Variants in SASH3 observed in about 807,000 individuals in gnomAD.
SASH3 encodes the protein SAM and SH3 domain-containing protein 3.
SASH3 carries 7 observed loss-of-function variants against 26.1 expected under a neutral mutation model. The ratio of observed to expected loss-of-function variants is 0.27; its 90% CI spans 0.15 to 0.50. The LOEUF (loss-of-function observed/expected upper bound fraction) is 0.50, where lower values mean the gene tolerates loss of function less well. Ranked by LOEUF, SASH3 falls within the 20% of genes least tolerant of loss-of-function variation. The pLI is 0.98. For missense variants in SASH3, 231 were observed against 318.3 expected (o/e 0.73, Z 2.09); for synonymous variants, 138 against 136.8 (o/e 1.01, Z -0.06).
chrX:129,793,668 G>T lies in SASH3; in HGVS notation c.979G>T (p.Ala327Ser). 8.3e-7 allele frequency: 1 copy of T among 1,211,639 alleles called. No individual in the cohort carries two copies. Among genetic ancestry groups the T allele is most frequent in the African/African-American group, 1.7e-5 (1 of 57,973 alleles). Reference protein sequence around the residue: ...DTGSEEAEEGAESSQEPVAHT... With the variant: ...DTGSEEAEEGSESSQEPVAHT... ...TGGCAGTGAGGAGGCTGAAGAGGGC[G>T]CCGAGAGCAGCCAGGAGCCAGTGGC... Residue 327 changes from alanine to serine, a missense_variant, in exon 8 of 8, where the codon GCC becomes TCC. Ala to Ser is a moderately conservative substitution (Grantham distance 99). Coordinates refer to ENST00000356892, the MANE Select transcript of SASH3 (RefSeq NM_018990.4).
chrX:129,789,561 C>T (rs914292997), intron 3 of SASH3, among the ~76,000 whole-genome samples: 3 of 110,858 alleles, frequency 2.7e-5, no homozygotes, highest in East Asian at 2.8e-4. Flanking sequence ...TGCTTGAACC[C>T]GGGAGGTGGA....
intron 1 of SASH3, among the ~76,000 whole-genome samples, chrX:129,781,756 C>A (rs1837123383): frequency 8.9e-6 from 1 of 112,431 alleles, no homozygotes; most frequent in African/African-American, 3.2e-5. Flanking sequence ...TTCCCCAGGT[C>A]TCTCCCAGGA....
In SASH3 at chrX:129,793,103, C is replaced by T. The variant is rs1818108495; in HGVS notation, c.916C>T (p.Leu306=). The change falls in exon 7 of 8, where the codon CTG becomes TTG. Residue 306 remains leucine, a synonymous_variant. Transcript: ENST00000356892. ...NIMDPQHRAK[L]LTAAELLLDY... is the part of the protein sequence containing the mutation. ...CATGGATCCACAGCACCGGGCCAAG[C>T]TGCTCACGGCCGCCGAGCTGCTGCT... 1 of 1,209,826 alleles carries T rather than the reference C, an allele frequency of 8.3e-7. No homozygotes were observed.
At position 129,792,202 on chromosome X, in the gene SASH3, G is replaced by A. The variant is rs1203740218; in HGVS notation, c.443-126G>A. ...CTTCTGCAGTGTAAAGCTTGCCAGA[G>A]CCCAGCTGCCTTCCCGGTGTATACC... On this transcript the variant is annotated intron_variant, in intron 4 of 7. Transcript: ENST00000356892. The A allele has an allele frequency of 1.5e-5, 12 of 785,795 alleles. No homozygotes were observed. In the East Asian group the frequency reaches 3.6e-4, roughly 23 times the overall value. The allele number at this position is 785,795 out of a possible 1,213,427, so 64.8% of individuals were successfully genotyped here. A position where few individuals can be genotyped will look rare whatever the true frequency, so the allele number is the denominator to read the frequency against.
At chrX:129,791,785 C>A (rs1927236523) in intron 4 of SASH3, among the ~76,000 whole-genome samples, 1 of 112,389 alleles carries the variant, frequency 8.9e-6, no homozygotes, top group Admixed American at 9.4e-5. Flanking sequence ...CTCTGTACTT[C>A]CCAGGGAGAA....
intron 2 of SASH3, 76 bp from the exon 3 acceptor site, chrX:129,788,355 A>G: frequency 9.0e-7 from 1 of 1,105,885 alleles, no homozygotes; most frequent in Non-Finnish European, 1.2e-6. Context: ...CTGTGACCCC[A>G]AGGCCTCTTT....
Position 129,793,793 on chromosome X carries a change from G to A in SASH3, c.1104G>A (p.Glu368=), listed in dbSNP as rs943989849. The A allele has an allele frequency of 8.3e-7, 1 of 1,201,395 alleles. No individual in the cohort carries two copies. ...ATGACGCAGAGCTGGCAGGCACTGA[G>A]GAGCAGCTGCAAGGCCTCTCCCTGG... ...GRDDAELAGT[E]EQLQGLSLAG... The change falls in exon 8 of 8, where the codon GAG becomes GAA. Residue 368 remains glutamate (E), a synonymous_variant. Transcript: ENST00000356892.
rs1927277152 is a variant in SASH3 at position 129,793,764 on chromosome X, C to T, written c.1075C>T (p.Arg359Cys). Residue 359 changes from arginine to cysteine, a missense_variant, in exon 8 of 8, where the codon CGC (arginine) becomes TGC (cysteine). Coordinates refer to ENST00000356892, the MANE Select transcript of SASH3 (RefSeq NM_018990.4). ...CTGCTTTGAGGGCTCGGAGAGCGGG[C>T]GCGATGACGCAGAGCTGGCAGGCAC... ...SGCFEGSESGRDDAELAGTEE... is the reference protein window; with the variant it reads ...SGCFEGSESGCDDAELAGTEE... The T allele has an allele frequency of 8.3e-7, 1 of 1,207,418 alleles. No homozygotes were observed. Among genetic ancestry groups the T allele is most frequent in the African/African-American group, 1.7e-5 (1 of 57,469 alleles).
rs143706986 is a variant in SASH3 at position 129,793,772 on chromosome X, C to T, written c.1083C>T (p.Asp361=). 3.2e-4 allele frequency: 386 copies of T among 1,206,168 alleles called. No individual in the cohort carries two copies. Among genetic ancestry groups the T allele is most frequent in the Non-Finnish European group, 3.8e-4 (341 of 893,197 alleles). ...CFEGSESGRD[D]AELAGTEEQL... is the part of the protein sequence containing the mutation. ...AGGGCTCGGAGAGCGGGCGCGATGA[C>T]GCAGAGCTGGCAGGCACTGAGGAGC... The change falls in exon 8 of 8, where the codon GAC becomes GAT. Residue 361 remains aspartate, a synonymous_variant. Coordinates refer to ENST00000356892, the MANE Select transcript of SASH3 (RefSeq NM_018990.4).
Position 129,790,942 on chromosome X carries a change from A to G in SASH3, c.303A>G (p.Ala101=). 8.3e-7 allele frequency: 1 copy of G among 1,210,792 alleles called. No individual in the cohort carries two copies. Among genetic ancestry groups the G allele is most frequent in the Non-Finnish European group, 1.1e-6 (1 of 894,928 alleles). Residue 101 remains alanine, a splice_region_variant and synonymous_variant, in exon 4 of 8, where the codon GCA becomes GCG. Transcript: ENST00000356892. The part of the protein sequence containing the change: ...MMVKALSEEM[A]DTLEEGSASP... ...CTTCCCGCCTACCCTCCCTGCAGGC[A>G]GACACTCTGGAGGAGGGCTCTGCCT...
Position 129,790,930 on chromosome X carries a change from C to A in SASH3, c.301-10C>A. On this transcript the variant is annotated splice_polypyrimidine_tract_variant and intron_variant, in intron 3 of 7. Transcript: ENST00000356892. ...GGCTCCTTAAAGCTTCCCGCCTACCCTCCCTGCAGGCAGACACTCTGGAGG... is the reference window on the plus strand; with the variant it reads ...GGCTCCTTAAAGCTTCCCGCCTACCATCCCTGCAGGCAGACACTCTGGAGG... 1 of 1,209,414 alleles carries A rather than the reference C, an allele frequency of 8.3e-7. No homozygotes were observed. Among genetic ancestry groups the A allele is most frequent in the Non-Finnish European group, 1.1e-6 (1 of 894,242 alleles).
chrX:129,793,183 G>T, intron 7 of SASH3, 44 bp downstream of exon 7: 1 of 1,197,233 alleles, frequency 8.4e-7, no homozygotes. Flanking sequence ...TGTGCCCACC[G>T]GCATTCCAGG....
rs1015775258 is a variant in SASH3, at chrX:129,793,909, C to T, written c.*77C>T. 3.8e-5 allele frequency: 38 copies of T among 996,332 alleles called. No homozygotes were observed. In the African/African-American group the frequency reaches 6.6e-4, roughly 17 times the overall value. 82.1% of individuals were successfully genotyped at this position (996,332 alleles called of 1,213,427 possible). ...AGTGGGCCCAGCCTCCCGTGGTGGC[C>T]CAGGTCCTGAGGACTGGCACTGAGC... On this transcript the variant is annotated 3_prime_UTR_variant, in exon 8 of 8. Transcript: ENST00000356892.
chrX:129,792,149 C>T (rs187197052), intron 4 of SASH3, among the ~76,000 whole-genome samples, 179 bp from the exon 5 acceptor site: 3 of 112,153 alleles, frequency 2.7e-5, no homozygotes, highest in Non-Finnish European at 3.8e-5. Context: ...TGCTCCTGGT[C>T]GGTAGCCAAG....
chrX:129,788,124 T>TGGGGGGGGGGGGGGGGGGGGGG, intron 2 of SASH3, 54 bp downstream of exon 2: 2 of 146,464 alleles, frequency 1.4e-5, no homozygotes, highest in Non-Finnish European at 2.7e-5. Flanking sequence ...GGCAGGGGGG[T>TGGGGGGGGGGGGGGGGGGGGGG]GGGGGTGGGA....
chrX:129,791,503 G>A (rs1051383768), intron 4 of SASH3, among the ~76,000 whole-genome samples: 1 of 112,188 alleles, frequency 8.9e-6, no homozygotes, highest in Admixed American at 9.4e-5. Flanking sequence ...CCAGTCGGGG[G>A]TGGGCGTATG....
chrX:129,785,017 A>G (rs1036924084), intron 1 of SASH3, among the ~76,000 whole-genome samples: 1 of 109,799 alleles, frequency 9.1e-6, no homozygotes, highest in Admixed American at 9.7e-5. Context: ...ATACAATACA[A>G]TACATATATA....
chrX:129,787,903 G>C, intron 1 of SASH3, 72 bp from the exon 2 acceptor site: 2 of 783,376 alleles, frequency 2.6e-6, no homozygotes, highest in Admixed American at 2.3e-5. Flanking sequence ...ATTGTGTGGT[G>C]GGGGGAGGCG....
chrX:129,790,194 G>A (rs1927205466), intron 3 of SASH3, among the ~76,000 whole-genome samples: 1 of 111,827 alleles, frequency 8.9e-6, no homozygotes, highest in Non-Finnish European at 1.9e-5. Flanking sequence ...CTGAGGTTAC[G>A]TGCATCCATA....
Sources: allele counts gnomAD v4.1 joint callset (sites outside exome capture counted in the v4.1 genomes callset), GRCh38; gene constraint gnomAD v4.1.1; transcripts MANE v1.5; gene names NCBI Gene and HGNC (gene_info 2026-07-23, HGNC 2026-07-21).